EIF5B: variants seen among roughly 807,000 people sequenced by gnomAD.
EIF5B encodes the protein eIF-5B.
Under a neutral mutation model 147.5 loss-of-function variants are expected in EIF5B, and 47 were observed. The ratio of observed to expected loss-of-function variants is 0.32; its 90% CI spans 0.25 to 0.41. The LOEUF is 0.41. EIF5B is among the 10% of genes least tolerant of loss of function. The probability of loss-of-function intolerance (pLI) is 1.00; values close to 1 mark genes in which losing one functional copy is unlikely to be tolerated. For missense variants in EIF5B, 1,064 were observed against 1,413.2 expected (o/e 0.75, Z 3.96); for synonymous variants, 455 against 456.2 (o/e 1.00, Z 0.03).
At position 99,400,513 on chromosome 2, in the gene EIF5B, A is replaced by G. The variant is rs1414707532; in HGVS notation, c.*1099A>G. On this transcript the variant is annotated 3_prime_UTR_variant, in exon 24 of 24. Transcript: ENST00000289371. ...TATTTTTATTTTAAAGTTATGGCATAACATATAACATAAAAATATTTTATA... is the reference window on the plus strand; with the variant it reads ...TATTTTTATTTTAAAGTTATGGCATGACATATAACATAAAAATATTTTATA... 1 of 152,224 alleles carries G rather than the reference A, an allele frequency of 6.6e-6. No individual in the cohort carries two copies. The highest frequency in any genetic ancestry group is 1.5e-5 in the Non-Finnish European group (1 of 68,038). The allele number at this position is 152,224 out of a possible 1,614,324, so 9.4% of individuals were successfully genotyped here. A position where few individuals can be genotyped will look rare whatever the true frequency, so the allele number is the denominator to read the frequency against.
In EIF5B at chr2:99,384,457, C is replaced by T. The variant is rs371640619; in HGVS notation, c.2271+1536C>T. Among the ~76,000 whole-genome samples the T allele has an allele frequency of 1.1e-4, 16 of 152,294 alleles. No individual in the cohort carries two copies. In the East Asian group the frequency reaches 1.2e-3, roughly 11 times the overall value. On this transcript the variant is annotated intron_variant, in intron 14 of 23. Coordinates refer to ENST00000289371, the MANE Select transcript of EIF5B (RefSeq NM_015904.4). ...CTAATACAGCATCCATTCTGCAGCTCATGGATCAAGGAGTGTTTTCAACTT... is the reference window on the plus strand; with the variant it reads ...CTAATACAGCATCCATTCTGCAGCTTATGGATCAAGGAGTGTTTTCAACTT...
intron 22 of EIF5B, 113 bp from the exon 23 acceptor site, chr2:99,398,635 C>T (rs1205746490): frequency 2.6e-6 from 3 of 1,169,196 alleles, no homozygotes; most frequent in Non-Finnish European, 3.6e-6. Context: ...ATCGCACTGC[C>T]ATGACTTTTA....
At chr2:99,397,814 C>A (rs1420825550) in intron 22 of EIF5B, 1 of 152,166 alleles carries the variant, frequency 6.6e-6, no homozygotes, top group East Asian at 1.9e-4. Flanking sequence ...CACTGGCAAG[C>A]GTTGCCTAAG....
intron 21 of EIF5B, 151 bp downstream of exon 21, chr2:99,395,034 C>T (rs1054035934): frequency 4.0e-6 from 3 of 744,098 alleles, no homozygotes; most frequent in Non-Finnish European, 6.3e-6. Context: ...AAACCAGAAA[C>T]CCAACATACT....
chr2:99,375,294 T>C (rs1674539349), intron 9 of EIF5B, among the ~76,000 whole-genome samples: 1 of 152,232 alleles, frequency 6.6e-6, no homozygotes, highest in South Asian at 2.1e-4. Flanking sequence ...ATGTTTTCTT[T>C]TCTCCAGAGC....
chr2:99,368,159 T>A (rs1674368487), intron 6 of EIF5B, among the ~76,000 whole-genome samples: 1 of 152,184 alleles, frequency 6.6e-6, no homozygotes, highest in South Asian at 2.1e-4. Flanking sequence ...ATCTTTTGGT[T>A]GGAGAACAGA....
rs572383799 is a variant in EIF5B at position 99,359,130 on chromosome 2, A to G, written c.36-1106A>G. On this transcript the variant is annotated intron_variant, in intron 1 of 23. Coordinates refer to ENST00000289371, the MANE Select transcript of EIF5B (RefSeq NM_015904.4). ...GTAATCCCAGCACTTTGGGAGGCCG[A>G]GGGTGGCTGATCACAAGGTCAGGAG... Among the ~76,000 whole-genome samples, 3 of 151,908 alleles carry G rather than the reference A, an allele frequency of 2.0e-5. No individual in the cohort carries two copies. In the South Asian group the frequency reaches 6.3e-4, roughly 32 times the overall value.
chr2:99,365,549 A>G lies in EIF5B; in HGVS notation c.1288+1128A>G, dbSNP rs1351768422. 2.0e-5 allele frequency among the ~76,000 whole-genome samples: 3 copies of G among 152,198 alleles called. No homozygotes were observed. The East Asian group carries it at 5.8e-4, about 29-fold the overall frequency. Reference sequence around the variant, plus strand: ...CAGATTTCATTGGTGACTATTGGAGAGGCTAAAAGCACCCATGAAGAAATT... The same window carrying G: ...CAGATTTCATTGGTGACTATTGGAGGGGCTAAAAGCACCCATGAAGAAATT... On this transcript the variant is annotated intron_variant, in intron 6 of 23. Coordinates refer to ENST00000289371, the MANE Select transcript of EIF5B (RefSeq NM_015904.4).
At chr2:99,367,473 A>G (rs1226417996) in intron 6 of EIF5B, among the ~76,000 whole-genome samples, 4 of 144,770 alleles carry the variant, frequency 2.8e-5, no homozygotes, top group Non-Finnish European at 6.0e-5. Flanking sequence ...GAGTTTCGCT[A>G]TTGTCCAGAC....
At chr2:99,394,661 C>T (rs1675007191) in intron 20 of EIF5B, 58 bp from the exon 21 acceptor site, 3 of 1,610,162 alleles carry the variant, frequency 1.9e-6, no homozygotes, top group Non-Finnish European at 2.5e-6. Flanking sequence ...AAAAAACTGT[C>T]CTCTGTGACA....
chr2:99,369,273 C>A, intron 7 of EIF5B, 119 bp from the exon 8 acceptor site: 1 of 662,326 alleles, frequency 1.5e-6, no homozygotes, highest in Non-Finnish European at 2.2e-6. Flanking sequence ...GACTCCATTT[C>A]AAAAAAATAA....
chr2:99,375,583 G>A (rs1388819931), intron 9 of EIF5B, among the ~76,000 whole-genome samples: 3 of 152,080 alleles, frequency 2.0e-5, no homozygotes, highest in South Asian at 2.1e-4. Flanking sequence ...GCCTCTTCCC[G>A]AATCAACAAA....
rs575630759 is a variant in EIF5B, at chr2:99,344,233, A to G, written c.35+6644A>G. Among the ~76,000 whole-genome samples, 88 of 152,060 alleles carry G rather than the reference A, an allele frequency of 5.8e-4. 4 individuals are homozygous for G. The South Asian group carries it at 0.017, about 29-fold the overall frequency. On this transcript the variant is annotated intron_variant, in intron 1 of 23. Coordinates refer to ENST00000289371, the MANE Select transcript of EIF5B (RefSeq NM_015904.4). ...CCGCACCCGGCCTGCATTCTTTTAT[A>G]TGTGGATATCTAGTTGTCCTAATAC...
intron 10 of EIF5B, among the ~76,000 whole-genome samples, chr2:99,377,396 T>C (rs1162448018): frequency 6.6e-6 from 1 of 151,726 alleles, no homozygotes; most frequent in Non-Finnish European, 1.5e-5. Flanking sequence ...ACTATTAAAA[T>C]TTGGGGGCCA....
chr2:99,361,175 A>G lies in EIF5B; in HGVS notation c.274A>G (p.Thr92Ala). The change falls in exon 4 of 24, where the codon ACC becomes GCC. Residue 92 changes from threonine (T) to alanine (A), a missense_variant. Around this residue, in one of 4 missense-constraint regions of EIF5B, gnomAD observed 458 missense variants for 451.3 expected, o/e 1.01. Coordinates refer to ENST00000289371, the MANE Select transcript of EIF5B (RefSeq NM_015904.4). The stretch of plus-strand genomic sequence containing the variant: ...AACAGAAAACAATGAAGAGGAATTC[A>G]CCTCAAAAGATAAAAAAAAGAAAGG... ...KPTENNEEEF[T>A]SKDKKKKGQK... 6.5e-7 allele frequency: 1 copy of G among 1,545,638 alleles called. No individual in the cohort carries two copies.
chr2:99,356,442 A>T (rs555476781), intron 1 of EIF5B, among the ~76,000 whole-genome samples: 1 of 152,276 alleles, frequency 6.6e-6, no homozygotes, highest in South Asian at 2.1e-4. Context: ...TTATTTACTT[A>T]ATCATTTCTC....
At chr2:99,364,126 A>C (rs1360063112) in intron 5 of EIF5B, 145 bp from the exon 6 acceptor site, 1 of 1,222,404 alleles carries the variant, frequency 8.2e-7, no homozygotes, top group African/African-American at 1.5e-5. Flanking sequence ...CATGTATAAC[A>C]TTTAAAATAC....
At chr2:99,377,489 G>T (rs1674588197) in intron 10 of EIF5B, among the ~76,000 whole-genome samples, 1 of 150,848 alleles carries the variant, frequency 6.6e-6, no homozygotes, top group South Asian at 2.1e-4. Flanking sequence ...CCTACTAGAT[G>T]CCTGTAGCAT....
At chr2:99,382,970 T>G in intron 14 of EIF5B, 49 bp downstream of exon 14, 1 of 1,522,500 alleles carries the variant, frequency 6.6e-7, no homozygotes, top group South Asian at 1.3e-5. Context: ...GTTTCTTAAT[T>G]TTTTGTGATT....
Sources: allele counts gnomAD v4.1 joint callset (sites outside exome capture counted in the v4.1 genomes callset), GRCh38; gene constraint gnomAD v4.1.1; regional missense constraint gnomAD v4.1.1; transcripts MANE v1.5; gene names NCBI Gene and HGNC (gene_info 2026-07-23, HGNC 2026-07-21).